Variants in GBF1 observed in about 807,000 individuals in gnomAD.
GBF1 encodes the protein golgi brefeldin A resistant guanine nucleotide exchange factor 1.
A neutral mutation model predicts 210.5 loss-of-function variants in GBF1; 114 were observed. That is an observed-to-expected ratio of 0.54 (90% CI 0.47 to 0.63). The LOEUF (loss-of-function observed/expected upper bound fraction) is 0.63. GBF1 is among the 30% of genes least tolerant of loss of function. The pLI is 0.00. For synonymous variants in GBF1, 850 were observed against 889.2 expected (o/e 0.96, Z 0.78); for missense variants, 1,851 against 2,357.7 (o/e 0.79, Z 4.45).
intron 1 of GBF1, among the ~76,000 whole-genome samples, chr10:102,250,524 A>AT (rs60331671): frequency 5.0e-4 from 72 of 143,494 alleles, no homozygotes; most frequent in Middle Eastern, 7.1e-3. Flanking sequence ...TGTCCCACTA[A>AT]TTTTTTTTTT....
intron 3 of GBF1, among the ~76,000 whole-genome samples, chr10:102,342,259 G>C (rs192382498): frequency 1.8e-4 from 27 of 151,912 alleles, no homozygotes; most frequent in African/African-American, 5.6e-4. Flanking sequence ...GGATGGTCTC[G>C]ATCTCCTGAC....
intron 3 of GBF1, among the ~76,000 whole-genome samples, chr10:102,310,189 T>TA (rs2078286290): frequency 6.6e-6 from 1 of 152,170 alleles, no homozygotes; most frequent in African/African-American, 2.4e-5. Flanking sequence ...GATGTCAGAG[T>TA]AAAAAGTGTC....
rs914260003 is a variant in GBF1 at position 102,369,496 on chromosome 10, T to C, written c.3150+109T>C. On this transcript the variant is annotated intron_variant, in intron 24 of 39. Coordinates refer to ENST00000369983, the MANE Select transcript of GBF1 (RefSeq NM_001377137.1). ...TGAGAGTAATGTTGGGCCTGATGCCTGCCACAGCTCACCAGGAATGCCTCA... is the reference window on the plus strand; with the variant it reads ...TGAGAGTAATGTTGGGCCTGATGCCCGCCACAGCTCACCAGGAATGCCTCA... 1.2e-5 allele frequency: 11 copies of C among 933,444 alleles called. No homozygotes were observed. In the African/African-American group the frequency reaches 1.6e-4, roughly 14 times the overall value. The allele number at this position is 933,444 out of a possible 1,614,324, so 57.8% of individuals were successfully genotyped here. A position where few individuals can be genotyped will look rare whatever the true frequency, so the allele number is the denominator to read the frequency against.
intron 3 of GBF1, among the ~76,000 whole-genome samples, chr10:102,315,591 G>T (rs538717939): frequency 6.6e-6 from 1 of 152,290 alleles, no homozygotes; most frequent in South Asian, 2.1e-4. Flanking sequence ...CTCATAAGGA[G>T]CACCAACCTA....
intron 3 of GBF1, among the ~76,000 whole-genome samples, chr10:102,280,705 C>T (rs924730602): frequency 8.5e-5 from 13 of 152,112 alleles, no homozygotes; most frequent in African/African-American, 3.1e-4. Flanking sequence ...TGAAGGCTAG[C>T]AATAGAGGAA....
chr10:102,322,063 T>C (rs2056454993), intron 3 of GBF1, among the ~76,000 whole-genome samples: 1 of 152,218 alleles, frequency 6.6e-6, no homozygotes, highest in African/African-American at 2.4e-5. Context: ...TTTCACCATG[T>C]TGGCCAAGCT....
chr10:102,363,640 C>A lies in GBF1; in HGVS notation c.2018-70C>A. 1.9e-6 allele frequency: 2 copies of A among 1,047,606 alleles called. No homozygotes were observed. The highest frequency in any genetic ancestry group is 1.5e-6 in the Non-Finnish European group (1 of 669,008). The allele number at this position is 1,047,606 out of a possible 1,614,324, so 64.9% of individuals were successfully genotyped here. ...TGAAACTGGGGAGTATATTGGTGAC[C>A]TTCCAAAAGTCCTTATCTGGGTAAA... On this transcript the variant is annotated intron_variant, in intron 16 of 39. Coordinates refer to ENST00000369983, the MANE Select transcript of GBF1 (RefSeq NM_001377137.1). The surrounding 1 kb of genome is among the most constrained non-coding windows in gnomAD (Gnocchi z 4.2).
Position 102,378,589 on chromosome 10 carries a change from G to T in GBF1, c.4495-695G>T, listed in dbSNP as rs191344205. 3.4e-3 allele frequency among the ~76,000 whole-genome samples: 519 copies of T among 152,248 alleles called. 2 individuals carry two copies. The highest frequency in any genetic ancestry group is 0.01 in the African/African-American group (424 of 41,540). ...GGAGATCCAGGAGGCAGTGAGCCAT[G>T]ATGGTGCCATGCACTCCAGTTTTGC... On this transcript the variant is annotated intron_variant, in intron 33 of 39. Coordinates refer to ENST00000369983, the MANE Select transcript of GBF1 (RefSeq NM_001377137.1).
chr10:102,243,316 G>A (rs2133822250), upstream of GBF1, among the ~76,000 whole-genome samples: 1 of 152,280 alleles, frequency 6.6e-6, no homozygotes, highest in Middle Eastern at 3.4e-3. Flanking sequence ...TGTGTTGTCT[G>A]CTATGATAAT....
intron 3 of GBF1, among the ~76,000 whole-genome samples, chr10:102,266,821 C>A (rs1046316927): frequency 6.6e-6 from 1 of 152,114 alleles, no homozygotes; most frequent in African/African-American, 2.4e-5. Flanking sequence ...CAGGTTATGG[C>A]GTGCTTGAGT....
At chr10:102,360,745 A>G (rs745888434) in intron 12 of GBF1, among the ~76,000 whole-genome samples, 1 of 152,206 alleles carries the variant, frequency 6.6e-6, no homozygotes, top group Non-Finnish European at 1.5e-5. Flanking sequence ...TGGGAGGCCA[A>G]GGCGGGCGGA....
chr10:102,243,829 C>T (rs911793127), upstream of GBF1, among the ~76,000 whole-genome samples: 7 of 152,070 alleles, frequency 4.6e-5, no homozygotes, highest in Admixed American at 1.3e-4. Flanking sequence ...CTGATGGGTG[C>T]TTTACACTAG....
At chr10:102,324,609 C>T (rs376368389) in intron 3 of GBF1, among the ~76,000 whole-genome samples, 4 of 152,048 alleles carry the variant, frequency 2.6e-5, no homozygotes, top group East Asian at 1.9e-4. Context: ...TTATTTGAGA[C>T]GGAGTTTCGC....
intron 3 of GBF1, among the ~76,000 whole-genome samples, chr10:102,293,781 T>TTTTTG (rs2076671074): frequency 9.8e-6 from 1 of 102,006 alleles, no homozygotes; most frequent in South Asian, 3.9e-4. Context: ...GTTTTTTTTT[T>TTTTTG]TTTTTTTTTT....
At chr10:102,273,411 C>T (rs1194277055) in intron 3 of GBF1, among the ~76,000 whole-genome samples, 2 of 152,110 alleles carry the variant, frequency 1.3e-5, no homozygotes, top group Non-Finnish European at 2.9e-5. Flanking sequence ...TATTGTTTTT[C>T]GCAACTTGTT....
At chr10:102,256,588 C>T (rs1184399354) in intron 1 of GBF1, among the ~76,000 whole-genome samples, 2 of 148,192 alleles carry the variant, frequency 1.3e-5, no homozygotes, top group East Asian at 2.0e-4. Flanking sequence ...GGCATGATCT[C>T]GGCTCACTTT....
chr10:102,381,284 C>A (rs2060828340), intron 39 of GBF1, 29 bp downstream of exon 39: 2 of 1,610,022 alleles, frequency 1.2e-6, no homozygotes, highest in African/African-American at 2.7e-5. Flanking sequence ...GCCTGATAGG[C>A]ACTGAGTAGC....
At position 102,276,200 on chromosome 10, in the gene GBF1, G is replaced by C. The variant is rs562264260; in HGVS notation, c.163+16084G>C. 2.6e-5 allele frequency among the ~76,000 whole-genome samples: 4 copies of C among 151,734 alleles called. No individual in the cohort carries two copies. In the East Asian group the frequency reaches 5.8e-4, roughly 22 times the overall value. On this transcript the variant is annotated intron_variant, in intron 3 of 39. Coordinates refer to ENST00000369983, the MANE Select transcript of GBF1 (RefSeq NM_001377137.1). The stretch of plus-strand genomic sequence containing the variant: ...TGCTGTGAGCTGAGATCGCGCCACT[G>C]CACTCCAGCCTGGGCAACAGAGGGA...
At position 102,379,891 on chromosome 10, in the gene GBF1, C is replaced by T. The variant is rs139732281; in HGVS notation, c.4815C>T (p.Ile1605=). ...TACTTACCAAGCTCTTGGAGAACAT[C>T]AGCCCTGCAGATGTGGGTGGGATGG... is the stretch of plus-strand genomic sequence containing the variant. ...FPLLTKLLEN[I]SPADVGGMEE... The change falls in exon 36 of 40, where the codon ATC becomes ATT. Residue 1605 remains isoleucine, a synonymous_variant. Coordinates refer to ENST00000369983, the MANE Select transcript of GBF1 (RefSeq NM_001377137.1). 1.7e-4 allele frequency: 278 copies of T among 1,613,750 alleles called. No homozygotes were observed. Among genetic ancestry groups the T allele is most frequent in the Non-Finnish European group, 2.3e-4 (272 of 1,179,826 alleles).
Sources: allele counts gnomAD v4.1 joint callset (sites outside exome capture counted in the v4.1 genomes callset), GRCh38; gene constraint gnomAD v4.1.1; non-coding constraint Gnocchi (gnomAD v3.1); transcripts MANE v1.5; gene names NCBI Gene and HGNC (gene_info 2026-07-23, HGNC 2026-07-21).